The following TARBP1 variants were observed in gnomAD, a reference collection of about 807,000 sequenced individuals.
The protein encoded by TARBP1 is tRNA (guanosine(18)-2'-O)-methyltransferase TARBP1.
In TARBP1, 144 loss-of-function variants were observed where a neutral mutation model predicts 178.6. That is an observed-to-expected ratio of 0.81 (90% CI 0.70 to 0.93). TARBP1 has a LOEUF of 0.93. Among genes scored for constraint, TARBP1 ranks in the 40% least tolerant of loss-of-function variants. TARBP1 has a pLI of 0.00. For synonymous variants in TARBP1, 787 were observed against 781.0 expected (o/e 1.01, Z -0.13); for missense variants, 2,067 against 2,011.7 (o/e 1.03, Z -0.53).
intron 2 of TARBP1, among the ~76,000 whole-genome samples, chr1:234,472,329 CAAAAAAAAAA>C (rs1160411119): frequency 8.7e-5 from 4 of 46,082 alleles, no homozygotes; most frequent in Non-Finnish European, 8.6e-5. Context: ...ACTCTGTCTC[CAAAAAAAAAA>C]AAAAAAAAAA....
At chr1:234,448,134 TCAC>T (rs747586515) in intron 11 of TARBP1, among the ~76,000 whole-genome samples, 1 of 152,250 alleles carries the variant, frequency 6.6e-6, no homozygotes, top group Non-Finnish European at 1.5e-5. Flanking sequence ...AGACAGGGTT[TCAC>T]CATGTTGGCC....
rs926932843 is a variant in TARBP1, at chr1:234,478,684, G to C, written c.420C>G (p.Ala140=). Residue 140 remains alanine, a synonymous_variant, in exon 1 of 30, where the codon GCC becomes GCG. Coordinates refer to ENST00000040877, the MANE Select transcript of TARBP1 (RefSeq NM_005646.4). ...GCCCGACGGCTGCTAGCACTTCCAC[G>C]GCAGCCTCGGCGCCAGGCGCGCGCC... ...AGWRAPGAEA[A]VEVLAAVGPC... 8.2e-7 allele frequency: 1 copy of C among 1,226,648 alleles called. No homozygotes were observed. The highest frequency in any genetic ancestry group is 1.0e-6 in the Non-Finnish European group (1 of 982,666). 76.0% of individuals were successfully genotyped at this position (1,226,648 alleles called of 1,614,324 possible). A position where few individuals can be genotyped will look rare whatever the true frequency, so the allele number is the denominator to read the frequency against.
intron 26 of TARBP1, among the ~76,000 whole-genome samples, chr1:234,396,792 G>A (rs1659977728): frequency 6.6e-6 from 1 of 152,018 alleles, no homozygotes; most frequent in Admixed American, 6.6e-5. Context: ...AAAATCTAAG[G>A]GTGGGACATG....
chr1:234,409,515 C>T (rs1470705940), intron 23 of TARBP1, among the ~76,000 whole-genome samples: 3 of 152,194 alleles, frequency 2.0e-5, no homozygotes, highest in South Asian at 2.1e-4. Flanking sequence ...CTTGATCTTA[C>T]GGAAGATGTG....
At chr1:234,436,140 C>T (rs12028777) in intron 13 of TARBP1, among the ~76,000 whole-genome samples, 20,380 of 152,148 alleles carry the variant, frequency 0.13, 1,498 homozygotes, top group Middle Eastern at 0.26. Flanking sequence ...AGCTCTCCCT[C>T]TGTTTTTAGC....
At chr1:234,426,522 G>A (rs10797542) in intron 19 of TARBP1, among the ~76,000 whole-genome samples, 20,681 of 152,072 alleles carry the variant, frequency 0.14, 1,556 homozygotes, top group Middle Eastern at 0.25. Flanking sequence ...CATGAGAAGT[G>A]ACAGATGATT....
At chr1:234,432,547 A>C (rs757310584) in intron 14 of TARBP1, among the ~76,000 whole-genome samples, 1 of 152,180 alleles carries the variant, frequency 6.6e-6, no homozygotes, top group Non-Finnish European at 1.5e-5. Flanking sequence ...AGGAAGATGA[A>C]AGAGAGTGAG....
chr1:234,470,125 G>A (rs972379290), intron 3 of TARBP1, among the ~76,000 whole-genome samples: 3 of 152,056 alleles, frequency 2.0e-5, no homozygotes, highest in African/African-American at 7.2e-5. Flanking sequence ...AAATTAGCCA[G>A]GTGTGGTGGC....
intron 5 of TARBP1, among the ~76,000 whole-genome samples, chr1:234,464,166 T>G (rs1028563364): frequency 6.6e-6 from 1 of 152,222 alleles, no homozygotes; most frequent in African/African-American, 2.4e-5. Flanking sequence ...CCTACTTTAC[T>G]AAGGATTTCC....
chr1:234,476,250 G>A (rs959807662), intron 1 of TARBP1, among the ~76,000 whole-genome samples: 1 of 152,154 alleles, frequency 6.6e-6, no homozygotes, highest in Non-Finnish European at 1.5e-5. Flanking sequence ...ACATAAAGGA[G>A]CATTTGATGG....
At chr1:234,468,703 G>A (rs1170375237) in intron 3 of TARBP1, among the ~76,000 whole-genome samples, 1 of 151,868 alleles carries the variant, frequency 6.6e-6, no homozygotes, top group Non-Finnish European at 1.5e-5. Context: ...GGCATGAACT[G>A]ACCTTGACTG....
At chr1:234,441,317 G>T (rs1283403971) in intron 12 of TARBP1, among the ~76,000 whole-genome samples, 1 of 151,982 alleles carries the variant, frequency 6.6e-6, no homozygotes, top group East Asian at 1.9e-4. Flanking sequence ...TTTTTTGTAG[G>T]TACATATAAG....
chr1:234,391,862 C>T, intron 29 of TARBP1, 117 bp from the exon 30 acceptor site: 1 of 1,084,118 alleles, frequency 9.2e-7, no homozygotes, highest in Non-Finnish European at 1.3e-6. Flanking sequence ...CTGAATGTTA[C>T]TAAAAGAAAC....
intron 3 of TARBP1, among the ~76,000 whole-genome samples, chr1:234,470,385 T>C (rs1276413555): frequency 6.6e-6 from 1 of 152,112 alleles, no homozygotes; most frequent in East Asian, 1.9e-4. Flanking sequence ...GATAAAATGA[T>C]AGGATATCTA....
intron 22 of TARBP1, among the ~76,000 whole-genome samples, chr1:234,413,898 T>A (rs1662129000): frequency 1.3e-5 from 2 of 152,102 alleles, no homozygotes; most frequent in South Asian, 4.1e-4. Context: ...TGGTCACGAA[T>A]CAGACACAGA....
chr1:234,451,766 A>AAAAAAAAAAAAAAC (rs57636903), intron 9 of TARBP1, among the ~76,000 whole-genome samples: 1 of 17,166 alleles, frequency 5.8e-5, no homozygotes, highest in African/African-American at 4.1e-4. Flanking sequence ...AAAAAAAAAA[A>AAAAAAAAAAAAAAC]TGATGAATGA....
chr1:234,478,114 A>G (rs12082841), intron 1 of TARBP1, 59 bp downstream of exon 1: 66,622 of 1,529,752 alleles, frequency 0.044, 3,759 homozygotes, highest in African/African-American at 0.27. Context: ...AAGCAGGAAG[A>G]CTCCCCTCTG....
chr1:234,469,482 A>G (rs975473823), intron 3 of TARBP1, among the ~76,000 whole-genome samples: 1 of 152,248 alleles, frequency 6.6e-6, no homozygotes, highest in African/African-American at 2.4e-5. Context: ...AGATTCAATT[A>G]AATTCTAGCC....
chr1:234,466,248 C>T (rs112465388), intron 4 of TARBP1, among the ~76,000 whole-genome samples: 4 of 152,044 alleles, frequency 2.6e-5, no homozygotes, highest in Non-Finnish European at 5.9e-5. Flanking sequence ...GCAGTGGCTC[C>T]CACCTATAAT....
Sources: gnomAD v4.1 joint callset for allele counts (sites outside exome capture counted in the v4.1 genomes callset) on GRCh38, gnomAD v4.1.1 for gene constraint, MANE v1.5 for transcripts, NCBI Gene and HGNC (gene_info 2026-07-23, HGNC 2026-07-21) for gene names.